Variants in CELSR1 observed in about 807,000 individuals in gnomAD.
The protein encoded by CELSR1 is adhesion G protein-coupled receptor C1.
In CELSR1, 110 loss-of-function variants were observed where a neutral mutation model predicts 249.1. That is an observed-to-expected ratio of 0.44 (90% confidence interval 0.38 to 0.52). The LOEUF (loss-of-function observed/expected upper bound fraction) is 0.52. Ranked by LOEUF, CELSR1 falls within the 20% of genes least tolerant of loss-of-function variation. The pLI, the probability that CELSR1 is intolerant of heterozygous loss-of-function variation, is 0.00. For missense variants in CELSR1, 4,109 were observed against 4,296.4 expected (o/e 0.96, Z 1.22); for synonymous variants, 2,113 against 1,900.0 (o/e 1.11, Z -2.92).
intron 1 of CELSR1, among the ~76,000 whole-genome samples, chr22:46,478,391 A>G (rs1201890085): frequency 6.6e-6 from 1 of 152,190 alleles, no homozygotes; most frequent in African/African-American, 2.4e-5. Context: ...CAAATTTCAA[A>G]GAACAAGTGG....
At chr22:46,482,761 A>G (rs534803877) in intron 1 of CELSR1, among the ~76,000 whole-genome samples, 2 of 152,322 alleles carry the variant, frequency 1.3e-5, no homozygotes, top group African/African-American at 4.8e-5. Flanking sequence ...GGAACTCACA[A>G]GATGATTCTC....
rs1335664910 is a variant in CELSR1, at chr22:46,398,007, G to A, written c.5527-159C>T. On this transcript the variant is annotated intron_variant, in intron 11 of 34. Transcript: ENST00000674500. The surrounding 1 kb of genome is among the most constrained non-coding windows in gnomAD (Gnocchi z 7.2). ...GGCAGGGTTGTTCCTCTTGCCCCAC[G>A]GCCTGCTGGCCGGAGTGCAGTGGAG... is the stretch of plus-strand genomic sequence containing the variant. 6.6e-6 allele frequency among the ~76,000 whole-genome samples: 1 copy of A among 152,186 alleles called. No individual in the cohort carries two copies. The highest frequency in any genetic ancestry group is 1.5e-5 in the Non-Finnish European group (1 of 68,022).
At chr22:46,481,267 C>A in intron 1 of CELSR1, 1 of 428,028 alleles carries the variant, frequency 2.3e-6, no homozygotes. Flanking sequence ...CTAAAATTCC[C>A]AATTCCTTAT....
intron 5 of CELSR1, among the ~76,000 whole-genome samples, chr22:46,424,841 G>A (rs1156491408): frequency 1.3e-5 from 2 of 152,220 alleles, no homozygotes; most frequent in Admixed American, 6.6e-5. Context: ...GCATGGTGGT[G>A]TGTGCCTGCA....
intron 18 of CELSR1, 73 bp from the exon 19 acceptor site, chr22:46,386,658 G>A (rs963700815): frequency 9.8e-6 from 13 of 1,321,226 alleles, no homozygotes. Context: ...CACCTGCCCT[G>A]AAAGCCTTTG....
At position 46,374,421 on chromosome 22, in the gene CELSR1, A is replaced by G. The variant is rs2078895005; in HGVS notation, c.7585-1364T>C. ...ATAGAACAAAGACAAAAGCGGATGC[A>G]TAATAAATCATTTCAGCCTGCCAGC... On this transcript the variant is annotated intron_variant, in intron 24 of 34. Coordinates refer to ENST00000674500, the MANE Select transcript of CELSR1 (RefSeq NM_001378328.1). This position sits in a 1 kb window ranked among gnomAD's most constrained non-coding sequence, Gnocchi z 4.3. 1.3e-5 allele frequency among the ~76,000 whole-genome samples: 2 copies of G among 152,238 alleles called. No homozygotes were observed. Among genetic ancestry groups the G allele is most frequent in the South Asian group, 2.1e-4 (1 of 4,834 alleles).
In CELSR1 at chr22:46,429,142, T is replaced by C. The variant is rs571711090; in HGVS notation, c.4611+4251A>G. Among the ~76,000 whole-genome samples the C allele has an allele frequency of 8.6e-4, 131 of 152,084 alleles. 1 individual carries two copies. The highest frequency in any genetic ancestry group is 2.9e-3 in the African/African-American group (119 of 41,494). On this transcript the variant is annotated intron_variant, in intron 5 of 34. Transcript: ENST00000674500. This position sits in a 1 kb window ranked among gnomAD's most constrained non-coding sequence, Gnocchi z 4.1. The stretch of plus-strand genomic sequence containing the variant: ...GATCCCCATCCTTCCAGACGGCCCC[T>C]CCCTAGCACTGTCTCCGTGGGGAAT...
Position 46,391,535 on chromosome 22 carries a change from GT to G in CELSR1, c.6148+97del. The G allele has an allele frequency of 7.4e-7, 1 of 1,351,594 alleles. No individual in the cohort carries two copies. The highest frequency in any genetic ancestry group is 9.8e-7 in the Non-Finnish European group (1 of 1,017,746). The allele number at this position is 1,351,594 out of a possible 1,614,324, so 83.7% of individuals were successfully genotyped here. On this transcript the variant is annotated intron_variant, in intron 15 of 34. Transcript: ENST00000674500. This position sits in a 1 kb window ranked among gnomAD's most constrained non-coding sequence, Gnocchi z 4.3. ...AACTCAGAACACGAGGGAGCCCAGG[GT>G]CCCCCAAACACCCAGCGTGCATGCA...
intron 1 of CELSR1, among the ~76,000 whole-genome samples, chr22:46,508,884 C>A (rs529538177): frequency 6.6e-6 from 1 of 152,294 alleles, no homozygotes; most frequent in Admixed American, 6.5e-5. Flanking sequence ...TGCAGTCAGA[C>A]CCTGCTGTTG....
intron 2 of CELSR1, among the ~76,000 whole-genome samples, chr22:46,452,753 G>A (rs975972285): frequency 6.6e-6 from 1 of 152,198 alleles, no homozygotes; most frequent in Non-Finnish European, 1.5e-5. Context: ...GTCCTACCTA[G>A]AGGGGACAGG....
In CELSR1 at chr22:46,372,919, A is replaced by C; in HGVS notation, c.7723T>G (p.Tyr2575Asp). Residue 2575 changes from tyrosine (Y) to aspartate (D), a missense_variant, in exon 25 of 35, where the codon TAC (tyrosine) becomes GAC (aspartate). Tyr to Asp is a radical substitution (Grantham distance 160). Around this residue, in one of 7 missense-constraint regions of CELSR1, gnomAD observed 1,805 missense variants for 1,831.6 expected, o/e 0.99. Coordinates refer to ENST00000674500, the MANE Select transcript of CELSR1 (RefSeq NM_001378328.1). The part of the protein sequence containing the change: ...NIDTGPMRFY[Y>D]VVGWGIPAIV... ...GCCGGGATGCCCCAGCCCACGACGT[A>C]GTAGAACCGCATGGGCCCCGTGTCG... 1 of 1,612,460 alleles carries C rather than the reference A, an allele frequency of 6.2e-7. No individual in the cohort carries two copies. Among genetic ancestry groups the C allele is most frequent in the Non-Finnish European group, 8.5e-7 (1 of 1,179,336 alleles).
In CELSR1 at chr22:46,381,684, C is replaced by T. The variant is rs1431585480; in HGVS notation, c.7088+162G>A. 1.3e-5 allele frequency among the ~76,000 whole-genome samples: 2 copies of T among 152,172 alleles called. No individual in the cohort carries two copies. The highest frequency in any genetic ancestry group is 4.8e-5 in the African/African-American group (2 of 41,430). On this transcript the variant is annotated intron_variant, in intron 21 of 34. Transcript: ENST00000674500. This position sits in a 1 kb window ranked among gnomAD's most constrained non-coding sequence, Gnocchi z 6.0. ...CCTGTGGCAGACCCAGAATCTCCCT[C>T]CAAGGACCACCACAAGGCAATGGTC...
At chr22:46,420,099 C>T (rs1298312100) in intron 5 of CELSR1, among the ~76,000 whole-genome samples, 2 of 151,862 alleles carry the variant, frequency 1.3e-5, no homozygotes, top group African/African-American at 4.8e-5. Flanking sequence ...CCTACCCACA[C>T]TCGTGCATAC....
Position 46,364,595 on chromosome 22 carries a change from C to G in CELSR1, c.8696G>C (p.Ser2899Thr), listed in dbSNP as rs1327894861. The G allele has an allele frequency of 3.7e-6, 6 of 1,612,562 alleles. No homozygotes were observed. The East Asian group carries it at 1.3e-4, about 36-fold the overall frequency. ...GTCCGGGGGGTACTCTCCACGGTGA[C>G]TGCCCTGCTCCTCGCGGTGCAGCTC... ...SVELHREEQG[S>T]HRGEYPPDQE... The change falls in exon 33 of 35, where the codon AGT (serine) becomes ACT (threonine). Residue 2899 changes from serine to threonine, a missense_variant. Ser to Thr is a moderately conservative substitution (Grantham distance 58). Coordinates refer to ENST00000674500, the MANE Select transcript of CELSR1 (RefSeq NM_001378328.1).
rs1393380149 is a variant in CELSR1, at chr22:46,429,192, C to T, written c.4611+4201G>A. Among the ~76,000 whole-genome samples, 1 of 152,222 alleles carries T rather than the reference C, an allele frequency of 6.6e-6. No homozygotes were observed. The highest frequency in any genetic ancestry group is 1.9e-4 in the East Asian group (1 of 5,198). ...TAAGCTTCTCCCCACACTTCCCAAA[C>T]ACCCAGGATGCCGAGGGCGATGGAG... On this transcript the variant is annotated intron_variant, in intron 5 of 34. Coordinates refer to ENST00000674500, the MANE Select transcript of CELSR1 (RefSeq NM_001378328.1). The surrounding 1 kb of genome is among the most constrained non-coding windows in gnomAD (Gnocchi z 4.1).
At chr22:46,514,035 C>CA (rs2080601581) in intron 1 of CELSR1, among the ~76,000 whole-genome samples, 1 of 152,032 alleles carries the variant, frequency 6.6e-6, no homozygotes, top group African/African-American at 2.4e-5. Flanking sequence ...CCTCATGATC[C>CA]ACCCGCCTCA....
In CELSR1 at chr22:46,518,933, A is replaced by G. The variant is rs1232043021; in HGVS notation, c.3544+14694T>C. 6.6e-6 allele frequency among the ~76,000 whole-genome samples: 1 copy of G among 152,050 alleles called. No homozygotes were observed. Among genetic ancestry groups the G allele is most frequent in the African/African-American group, 2.4e-5 (1 of 41,436 alleles). ...CTGTAATCCCAGCTACTCGGGAGGC[A>G]GAGGCAGGAGAATCGCTTAAACCCA... On this transcript the variant is annotated intron_variant, in intron 1 of 34. Transcript: ENST00000674500. This position sits in a 1 kb window ranked among gnomAD's most constrained non-coding sequence, Gnocchi z 5.2.
chr22:46,418,927 G>C (rs1216465285), intron 5 of CELSR1, among the ~76,000 whole-genome samples: 1 of 152,242 alleles, frequency 6.6e-6, no homozygotes, highest in Non-Finnish European at 1.5e-5. Flanking sequence ...GGAAACACAA[G>C]AACCGTGGGT....
At chr22:46,443,199 C>A (rs1459402516) in intron 2 of CELSR1, among the ~76,000 whole-genome samples, 1 of 152,208 alleles carries the variant, frequency 6.6e-6, no homozygotes, top group East Asian at 1.9e-4. Context: ...AAATCGCTGA[C>A]GTTTTGCTGA....
Sources: gnomAD v4.1 joint callset for allele counts (sites outside exome capture counted in the v4.1 genomes callset) on GRCh38, gnomAD v4.1.1 for gene constraint, gnomAD v4.1.1 regional missense constraint, Gnocchi (gnomAD v3.1) non-coding constraint, MANE v1.5 for transcripts, NCBI Gene and HGNC (gene_info 2026-07-23, HGNC 2026-07-21) for gene names.